The following PPA2 variants were observed in gnomAD, a reference collection of about 807,000 sequenced individuals.
PPA2 encodes the protein inorganic pyrophosphatase 2, mitochondrial.
A neutral mutation model predicts 49.5 loss-of-function variants in PPA2; 48 were observed. The observed-to-expected ratio is 0.97, with a 90% CI of 0.77 to 1.23. The LOEUF is 1.23. Among genes scored for constraint, PPA2 ranks in the 50% most tolerant of loss-of-function variants. The pLI is 0.00. For missense variants in PPA2, 429 were observed against 410.1 expected (o/e 1.05, Z -0.40); for synonymous variants, 131 against 139.9 (o/e 0.94, Z 0.45).
At chr4:105,387,519 G>A (rs1018834095) in intron 9 of PPA2, among the ~76,000 whole-genome samples, 4 of 152,040 alleles carry the variant, frequency 2.6e-5, no homozygotes, top group African/African-American at 7.2e-5. Context: ...CCGAGATATC[G>A]GTGATAAAAA....
At chr4:105,410,458 G>A (rs1489999467) in intron 7 of PPA2, among the ~76,000 whole-genome samples, 2 of 152,200 alleles carry the variant, frequency 1.3e-5, no homozygotes, top group African/African-American at 4.8e-5. Flanking sequence ...TGAAAGTGAC[G>A]AGGAGAATGG....
intron 7 of PPA2, 84 bp from the exon 8 acceptor site, chr4:105,399,248 A>C (rs1734264260): frequency 7.4e-7 from 1 of 1,346,516 alleles, no homozygotes; most frequent in Non-Finnish European, 1.0e-6. Flanking sequence ...TGAGGGAGCC[A>C]GGAAACATGG....
At chr4:105,421,507 AC>A (rs1723251590) in intron 7 of PPA2, among the ~76,000 whole-genome samples, 1 of 152,214 alleles carries the variant, frequency 6.6e-6, no homozygotes, top group African/African-American at 2.4e-5. Flanking sequence ...AATATGAAAG[AC>A]ATAAATACCA....
At chr4:105,382,031 CATTTA>C (rs1045023025) in intron 10 of PPA2, among the ~76,000 whole-genome samples, 1 of 151,948 alleles carries the variant, frequency 6.6e-6, no homozygotes, top group Non-Finnish European at 1.5e-5. Flanking sequence ...ATATTGTATA[CATTTA>C]ATTTCTCAAG....
intron 10 of PPA2, among the ~76,000 whole-genome samples, chr4:105,377,643 G>A (rs1733311377): frequency 6.6e-6 from 1 of 152,042 alleles, no homozygotes; most frequent in African/African-American, 2.4e-5. Context: ...ATATAATCAA[G>A]ATAATAAACA....
chr4:105,463,344 T>C (rs1427741983), intron 1 of PPA2, among the ~76,000 whole-genome samples: 2 of 152,108 alleles, frequency 1.3e-5, no homozygotes, highest in Non-Finnish European at 2.9e-5. Context: ...AGAGAGATGA[T>C]TTAGGGTATC....
At chr4:105,397,586 T>A (rs1734199974) in intron 8 of PPA2, among the ~76,000 whole-genome samples, 1 of 152,162 alleles carries the variant, frequency 6.6e-6, no homozygotes, top group Non-Finnish European at 1.5e-5. Context: ...CTCTCAAATC[T>A]CATGTTCAAA....
intron 10 of PPA2, among the ~76,000 whole-genome samples, chr4:105,373,795 A>ACC (rs1553923432): frequency 6.8e-6 from 1 of 147,746 alleles, no homozygotes; most frequent in Non-Finnish European, 1.5e-5. Flanking sequence ...ACACACACAC[A>ACC]CCCCATCATA....
rs539623469 is a variant in PPA2, at chr4:105,473,633, G to A, written c.157+261C>T. On this transcript the variant is annotated intron_variant, in intron 1 of 11. Transcript: ENST00000341695. ...GGGGAGGGCGGCTGGCAGGGCACAG[G>A]GCGCTATCTACCCCCCAGCCGGCAG... 681 of 714,354 alleles carry A rather than the reference G, an allele frequency of 9.5e-4. 3 individuals are homozygous for A. In the African/African-American group the frequency reaches 0.01, roughly 11 times the overall value. 44.3% of individuals were successfully genotyped at this position (714,354 alleles called of 1,614,324 possible).
At chr4:105,374,783 C>T (rs1052588769) in intron 10 of PPA2, among the ~76,000 whole-genome samples, 1 of 151,820 alleles carries the variant, frequency 6.6e-6, no homozygotes, top group East Asian at 1.9e-4. Flanking sequence ...AATAGGTTCC[C>T]AATTTTTCAT....
intron 9 of PPA2, among the ~76,000 whole-genome samples, chr4:105,390,471 A>G (rs1733868290): frequency 6.6e-6 from 1 of 152,142 alleles, no homozygotes; most frequent in South Asian, 2.1e-4. Flanking sequence ...ACAAGAAAAA[A>G]AAAACCCATC....
chr4:105,452,414 G>C (rs1722710453), intron 3 of PPA2, among the ~76,000 whole-genome samples: 1 of 152,264 alleles, frequency 6.6e-6, no homozygotes, highest in East Asian at 1.9e-4. Context: ...CGTTTAGGAT[G>C]CACCTAGAAT....
chr4:105,415,086 T>C (rs1037460600), intron 7 of PPA2, among the ~76,000 whole-genome samples: 7 of 152,154 alleles, frequency 4.6e-5, no homozygotes, highest in African/African-American at 1.7e-4. Flanking sequence ...TGTGTGCTGA[T>C]TGGCCCATGG....
At chr4:105,378,324 T>A (rs1733340295) in intron 10 of PPA2, among the ~76,000 whole-genome samples, 1 of 152,174 alleles carries the variant, frequency 6.6e-6, no homozygotes, top group Non-Finnish European at 1.5e-5. Flanking sequence ...TTTCTTTGCC[T>A]TCTTTATAGA....
intron 2 of PPA2, 187 bp downstream of exon 2, chr4:105,456,494 T>G: frequency 5.5e-6 from 3 of 546,398 alleles, no homozygotes; most frequent in Non-Finnish European, 1.0e-5. Flanking sequence ...TCCCAATTCC[T>G]CATGGAAGAA....
chr4:105,428,880 C>A (rs1028933723), intron 6 of PPA2, among the ~76,000 whole-genome samples: 2 of 152,074 alleles, frequency 1.3e-5, no homozygotes, highest in African/African-American at 4.8e-5. Context: ...GAACAACAGG[C>A]AATTCACAGA....
At chr4:105,466,024 T>C (rs908606525) in intron 1 of PPA2, among the ~76,000 whole-genome samples, 2 of 152,152 alleles carry the variant, frequency 1.3e-5, no homozygotes, top group Admixed American at 6.5e-5. Flanking sequence ...AATTCATCTA[T>C]ATTCTTTTTC....
At chr4:105,392,913 T>C (rs948128567) in intron 9 of PPA2, among the ~76,000 whole-genome samples, 5 of 151,986 alleles carry the variant, frequency 3.3e-5, no homozygotes, top group African/African-American at 4.8e-5. Context: ...ATACAGAGAG[T>C]ACTGGCATTT....
intron 2 of PPA2, chr4:105,456,476 C>A (rs1578880681): frequency 1.9e-6 from 1 of 526,830 alleles, no homozygotes; most frequent in Non-Finnish European, 3.5e-6. Context: ...ACCAGTAACA[C>A]CCCTTTCTCC....
Sources: gnomAD v4.1 joint callset for allele counts (sites outside exome capture counted in the v4.1 genomes callset) on GRCh38, gnomAD v4.1.1 for gene constraint, MANE v1.5 for transcripts, NCBI Gene and HGNC (gene_info 2026-07-23, HGNC 2026-07-21) for gene names.